The following SULT1E1 variants were observed in gnomAD, a reference collection of about 807,000 sequenced individuals.
SULT1E1 encodes the protein sulfotransferase family 1E member 1, also known as sulfotransferase 1E1.
Under a neutral mutation model 33.6 loss-of-function variants are expected in SULT1E1, and 36 were observed. The observed-to-expected ratio is 1.07, with a 90% CI of 0.82 to 1.41. SULT1E1 has a LOEUF of 1.41. Ranked by LOEUF, SULT1E1 falls within the 40% of genes most tolerant of loss-of-function variation. The probability of loss-of-function intolerance (pLI) is 0.00; values close to 1 mark genes in which losing one functional copy is unlikely to be tolerated. For synonymous variants in SULT1E1, 121 were observed against 111.7 expected (o/e 1.08, Z -0.53); for missense variants, 371 against 345.7 (o/e 1.07, Z -0.58).
chr4:69,836,531 C>G (rs1720799420), downstream of SULT1E1, among the ~76,000 whole-genome samples: 1 of 152,164 alleles, frequency 6.6e-6, no homozygotes, highest in Non-Finnish European at 1.5e-5. Flanking sequence ...GTTAATTATA[C>G]TGTATTCCAT....
chr4:69,823,127 T>C, the SULT1E1 span, among the ~76,000 whole-genome samples: 1 of 152,130 alleles, frequency 6.6e-6, no homozygotes, highest in Non-Finnish European at 1.5e-5. Context: ...AGACTCAACG[T>C]CCAAAGACTG....
chr4:69,845,311 A>G (rs1473592658), intron 6 of SULT1E1, among the ~76,000 whole-genome samples: 1 of 151,940 alleles, frequency 6.6e-6, no homozygotes, highest in Non-Finnish European at 1.5e-5. Context: ...TGTAACATGA[A>G]GAAATGATAA....
downstream of SULT1E1, among the ~76,000 whole-genome samples, chr4:69,836,261 G>GT (rs1560551827): frequency 6.6e-6 from 1 of 152,138 alleles, no homozygotes; most frequent in Non-Finnish European, 1.5e-5. Context: ...GAGATAATGA[G>GT]TTTAAGTTTT....
chr4:69,837,650 A>G (rs963072479), downstream of SULT1E1, among the ~76,000 whole-genome samples: 1 of 152,172 alleles, frequency 6.6e-6, no homozygotes, highest in African/African-American at 2.4e-5. Context: ...AGAACCACAT[A>G]ATAGAAAATA....
chr4:69,846,318 A>AAAAG (rs1720976236), intron 6 of SULT1E1, among the ~76,000 whole-genome samples: 1 of 149,234 alleles, frequency 6.7e-6, no homozygotes, highest in Non-Finnish European at 1.5e-5. Context: ...AAAAAAAAAA[A>AAAAG]AAAAGAAAAG....
At chr4:69,857,731 C>A in intron 1 of SULT1E1, 78 bp from the exon 2 acceptor site, 3 of 1,337,520 alleles carry the variant, frequency 2.2e-6, no homozygotes, top group Non-Finnish European at 3.0e-6. Flanking sequence ...TATAACGGGA[C>A]CCTCCTACAT....
the SULT1E1 span, among the ~76,000 whole-genome samples, chr4:69,828,326 T>C: frequency 2.6e-5 from 4 of 152,204 alleles, no homozygotes; most frequent in African/African-American, 9.6e-5. Context: ...TGGTCCTCAC[T>C]ACCTTTAAGA....
At chr4:69,822,848 G>A in the SULT1E1 span, among the ~76,000 whole-genome samples, 1 of 151,932 alleles carries the variant, frequency 6.6e-6, no homozygotes, top group Non-Finnish European at 1.5e-5. Flanking sequence ...ATGTTTAGAA[G>A]AATATGTATT....
intron 7 of SULT1E1, 43 bp downstream of exon 7, chr4:69,844,118 T>G (rs1434873558): frequency 2.5e-6 from 4 of 1,598,260 alleles, no homozygotes; most frequent in Non-Finnish European, 3.4e-6. Context: ...CCATGTCACC[T>G]TGTGACTTCC....
the SULT1E1 span, among the ~76,000 whole-genome samples, chr4:69,833,263 A>C: frequency 6.6e-6 from 1 of 152,158 alleles, no homozygotes; most frequent in African/African-American, 2.4e-5. Flanking sequence ...ATAATATGTA[A>C]AATACCTAGT....
At chr4:69,828,564 C>A in the SULT1E1 span, among the ~76,000 whole-genome samples, 3 of 152,292 alleles carry the variant, frequency 2.0e-5, no homozygotes, top group East Asian at 3.9e-4. Context: ...GGACACACCA[C>A]CTTTAAGAAC....
At chr4:69,822,943 C>T in the SULT1E1 span, among the ~76,000 whole-genome samples, 1 of 152,096 alleles carries the variant, frequency 6.6e-6, no homozygotes, top group East Asian at 1.9e-4. Context: ...CTTTTTACAA[C>T]AAAATGGCCC....
intron 6 of SULT1E1, among the ~76,000 whole-genome samples, chr4:69,847,471 T>C (rs573591226): frequency 1.3e-5 from 2 of 151,782 alleles, no homozygotes; most frequent in East Asian, 3.9e-4. Flanking sequence ...ATTTTTTCTT[T>C]GAAATTTTTG....
At chr4:69,856,779 CA>C in intron 2 of SULT1E1, among the ~76,000 whole-genome samples, 1 of 151,246 alleles carries the variant, frequency 6.6e-6, no homozygotes. Flanking sequence ...CTAAAAAATA[CA>C]AAAAAATTAG....
the SULT1E1 span, among the ~76,000 whole-genome samples, chr4:69,825,204 C>T: frequency 7.2e-5 from 11 of 152,158 alleles, no homozygotes; most frequent in Admixed American, 1.3e-4. Context: ...ACACTCACTG[C>T]GCAGGTCTCT....
At chr4:69,844,368 T>TA (rs758904943) in intron 6 of SULT1E1, 27 bp from the exon 7 acceptor site, 1 of 1,550,932 alleles carries the variant, frequency 6.4e-7, no homozygotes, top group Non-Finnish European at 8.8e-7. Context: ...TTTTGAGAAC[T>TA]AAATTGCTAA....
chr4:69,847,679 T>C lies in SULT1E1; in HGVS notation c.591+19A>G. The C allele has an allele frequency of 2.0e-6, 3 of 1,516,272 alleles. No homozygotes were observed. The highest frequency in any genetic ancestry group is 2.3e-5 in the East Asian group (1 of 43,596). The allele number at this position is 1,516,272 out of a possible 1,614,324, so 93.9% of individuals were successfully genotyped here. On this transcript the variant is annotated intron_variant, in intron 6 of 7. Transcript: ENST00000226444. ...ATCTTAGAAATTACCAAGTTGCTTA[T>C]GTGTTCCCAGTTCCTCACCTCTTTC...
At chr4:69,827,925 G>T in the SULT1E1 span, among the ~76,000 whole-genome samples, 1 of 152,170 alleles carries the variant, frequency 6.6e-6, no homozygotes. Flanking sequence ...CCTCATCCAT[G>T]TCTGCTATGC....
chr4:69,844,529 C>T (rs1470741189), intron 6 of SULT1E1, among the ~76,000 whole-genome samples, 188 bp from the exon 7 acceptor site: 1 of 151,924 alleles, frequency 6.6e-6, no homozygotes, highest in Non-Finnish European at 1.5e-5. Flanking sequence ...CCATAAAATG[C>T]TTATAAAAGA....
Sources: allele counts gnomAD v4.1 joint callset (sites outside exome capture counted in the v4.1 genomes callset), GRCh38; gene constraint gnomAD v4.1.1; transcripts MANE v1.5; gene names NCBI Gene and HGNC (gene_info 2026-07-23, HGNC 2026-07-21).